The following ARHGAP26 variants were observed in gnomAD, a reference collection of about 807,000 sequenced individuals.
The protein encoded by ARHGAP26 is Rho GTPase activating protein 26, also known as rho GTPase-activating protein 26.
Under a neutral mutation model 104.8 loss-of-function variants are expected in ARHGAP26, and 38 were observed. The observed-to-expected ratio is 0.36, with a 90% CI of 0.28 to 0.48. The LOEUF (loss-of-function observed/expected upper bound fraction) is 0.48. ARHGAP26 is among the 20% of genes least tolerant of loss of function. ARHGAP26 has a pLI of 0.99. For missense variants in ARHGAP26, 704 were observed against 947.9 expected (o/e 0.74, Z 3.38); for synonymous variants, 341 against 340.0 (o/e 1.00, Z -0.03).
chr5:143,224,640 G>C lies in ARHGAP26; in HGVS notation c.*2194G>C, dbSNP rs904076157. On this transcript the variant is annotated 3_prime_UTR_variant, in exon 23 of 23. Transcript: ENST00000645722. Reference sequence around the variant, plus strand: ...CATCTTCTGAGGCTTTAGAAATGTGGACAAGCTAGTTTTCAAATTTTGTGT... The same window carrying C: ...CATCTTCTGAGGCTTTAGAAATGTGCACAAGCTAGTTTTCAAATTTTGTGT... 4.3e-6 allele frequency: 1 copy of C among 230,650 alleles called. No individual in the cohort carries two copies. Among genetic ancestry groups the C allele is most frequent in the South Asian group, 1.8e-4 (1 of 5,508 alleles). 14.3% of individuals were successfully genotyped at this position (230,650 alleles called of 1,614,324 possible).
chr5:142,919,563 A>C, intron 10 of ARHGAP26: 11 of 396,720 alleles, frequency 2.8e-5, no homozygotes, highest in East Asian at 7.1e-5. Context: ...TGGATAACTC[A>C]ACACCTACTG....
At chr5:142,946,542 A>C (rs1387972910) in intron 11 of ARHGAP26, 1 of 152,136 alleles carries the variant, frequency 6.6e-6, no homozygotes. Context: ...CTTTTCTGTC[A>C]ATTTCTGCAG....
At chr5:142,885,735 C>A (rs1327985997) in intron 5 of ARHGAP26, among the ~76,000 whole-genome samples, 1 of 152,192 alleles carries the variant, frequency 6.6e-6, no homozygotes, top group African/African-American at 2.4e-5. Flanking sequence ...TAATTCTGCC[C>A]TCTGTTACTT....
intron 1 of ARHGAP26, among the ~76,000 whole-genome samples, chr5:142,795,208 T>C (rs531342275): frequency 6.6e-6 from 1 of 152,056 alleles, no homozygotes. Flanking sequence ...GCCCATTGAC[T>C]GTATGGGCAT....
intron 11 of ARHGAP26, among the ~76,000 whole-genome samples, chr5:142,963,186 A>ATG (rs1770627922): frequency 5.0e-5 from 5 of 100,218 alleles, no homozygotes; most frequent in African/African-American, 2.9e-4. Flanking sequence ...ATATATATAT[A>ATG]TATATATATA....
chr5:142,847,099 C>A lies in ARHGAP26; in HGVS notation c.155-26301C>A, dbSNP rs138011882. Among the ~76,000 whole-genome samples, 567 of 152,180 alleles carry A rather than the reference C, an allele frequency of 3.7e-3. 8 individuals are homozygous for A. Among genetic ancestry groups the A allele is most frequent in the African/African-American group, 0.013 (537 of 41,512 alleles). On this transcript the variant is annotated intron_variant, in intron 1 of 22. Transcript: ENST00000645722. The stretch of plus-strand genomic sequence containing the variant: ...GGTGCACCTTGGGCAAATCACTGTG[C>A]CTCTCTCACCTTCTGTTTTCTCATC...
chr5:143,177,908 A>C (rs919028181), intron 20 of ARHGAP26, among the ~76,000 whole-genome samples: 1 of 150,752 alleles, frequency 6.6e-6, no homozygotes, highest in Admixed American at 6.6e-5. Flanking sequence ...CAGGGCAACT[A>C]CTATCTCCTA....
intron 10 of ARHGAP26, among the ~76,000 whole-genome samples, chr5:142,917,678 TAC>T (rs973509165): frequency 7.9e-5 from 12 of 152,174 alleles, no homozygotes; most frequent in African/African-American, 2.9e-4. Flanking sequence ...TTGGTTTCTG[TAC>T]ACCTTTTCTT....
intron 10 of ARHGAP26, among the ~76,000 whole-genome samples, chr5:142,927,938 T>C (rs935303023): frequency 1.3e-5 from 2 of 152,230 alleles, no homozygotes; most frequent in Non-Finnish European, 2.9e-5. Flanking sequence ...TTTCTTAGCC[T>C]TATTGGCCAT....
At chr5:143,023,559 T>G (rs1199945300) in intron 12 of ARHGAP26, among the ~76,000 whole-genome samples, 3 of 152,250 alleles carry the variant, frequency 2.0e-5, no homozygotes, top group Admixed American at 6.5e-5. Context: ...TTTGGCCTTT[T>G]GCTGTTAGAA....
intron 2 of ARHGAP26, among the ~76,000 whole-genome samples, chr5:142,874,385 G>T (rs1443291991): frequency 6.6e-6 from 1 of 152,238 alleles, no homozygotes; most frequent in African/African-American, 2.4e-5. Flanking sequence ...TTGAGTTCCT[G>T]TTGCCATGTA....
At chr5:142,889,549 C>T (rs1033363693) in intron 5 of ARHGAP26, among the ~76,000 whole-genome samples, 4 of 151,952 alleles carry the variant, frequency 2.6e-5, no homozygotes, top group Admixed American at 6.6e-5. Context: ...ACCCAGGAGG[C>T]GGAGTTTGCA....
chr5:142,787,583 C>A (rs954607177), intron 1 of ARHGAP26, among the ~76,000 whole-genome samples: 9 of 152,176 alleles, frequency 5.9e-5, no homozygotes, highest in Non-Finnish European at 1.3e-4. Context: ...AAGCCACTGA[C>A]AAAGCCAGCA....
intron 20 of ARHGAP26, chr5:143,169,920 G>T (rs1051065059): frequency 6.6e-6 from 1 of 152,044 alleles, no homozygotes; most frequent in East Asian, 1.9e-4. Flanking sequence ...CAGTCCAAAG[G>T]CTTCTTGCAT....
At chr5:142,780,200 T>A (rs1022707171) in intron 1 of ARHGAP26, among the ~76,000 whole-genome samples, 3 of 152,370 alleles carry the variant, frequency 2.0e-5, no homozygotes, top group East Asian at 3.9e-4. Context: ...CATTGTTAGA[T>A]TGCATTGTAT....
At chr5:142,828,860 C>T (rs746371287) in intron 1 of ARHGAP26, among the ~76,000 whole-genome samples, 3 of 152,168 alleles carry the variant, frequency 2.0e-5, no homozygotes, top group Non-Finnish European at 4.4e-5. Context: ...GTTTGGTGTG[C>T]TAGGTGATTC....
At chr5:143,183,073 CAAAAAAAAAAAAAA>C (rs70991799) in intron 20 of ARHGAP26, among the ~76,000 whole-genome samples, 1 of 89,962 alleles carries the variant, frequency 1.1e-5, no homozygotes, top group Non-Finnish European at 2.4e-5. Flanking sequence ...TGAAAAGTGG[CAAAAAAAAAAAAAA>C]AAAAGAAAAA....
chr5:142,821,694 T>G (rs1766225771), intron 1 of ARHGAP26, among the ~76,000 whole-genome samples: 1 of 152,196 alleles, frequency 6.6e-6, no homozygotes, highest in Non-Finnish European at 1.5e-5. Context: ...CATTAAAATT[T>G]GAGAAACACT....
rs143298610 is a variant in ARHGAP26, at chr5:142,809,722, C to T, written c.154+38807C>T. On this transcript the variant is annotated intron_variant, in intron 1 of 22. Coordinates refer to ENST00000645722, the MANE Select transcript of ARHGAP26 (RefSeq NM_001135608.3). ...TTAACTTCTGCCAGTCCTGCTGGAG[C>T]CATCCACTCCTTCATTCATCTGTCC... 2.4e-3 allele frequency among the ~76,000 whole-genome samples: 372 copies of T among 152,314 alleles called. 1 individual carries two copies. Among genetic ancestry groups the T allele is most frequent in the Admixed American group, 4.3e-3 (65 of 15,294 alleles).
Sources: gnomAD v4.1 joint callset for allele counts (sites outside exome capture counted in the v4.1 genomes callset) on GRCh38, gnomAD v4.1.1 for gene constraint, MANE v1.5 for transcripts, NCBI Gene and HGNC (gene_info 2026-07-23, HGNC 2026-07-21) for gene names.